Variants in ZBTB20 observed in about 807,000 individuals in gnomAD.
ZBTB20 encodes zinc finger and BTB domain containing 20.
Under a neutral mutation model 56.9 loss-of-function variants are expected in ZBTB20, and 9 were observed. The observed-to-expected ratio is 0.16, with a 90% CI of 0.10 to 0.28. The LOEUF (loss-of-function observed/expected upper bound fraction) is 0.28, where lower values mean the gene tolerates loss of function less well. Among genes scored for constraint, ZBTB20 ranks in the 10% least tolerant of loss-of-function variants. ZBTB20 has a pLI of 1.00. For synonymous variants in ZBTB20, 417 were observed against 420.7 expected (o/e 0.99, Z 0.11); for missense variants, 655 against 1,003.0 (o/e 0.65, Z 4.69).
Position 114,380,798 on chromosome 3 carries a change from G to A in ZBTB20, c.-11C>T. The A allele has an allele frequency of 6.6e-7, 1 of 1,509,830 alleles. No homozygotes were observed. The highest frequency in any genetic ancestry group is 8.8e-7 in the Non-Finnish European group (1 of 1,137,504). 93.5% of individuals were successfully genotyped at this position (1,509,830 alleles called of 1,614,324 possible). On this transcript the variant is annotated 5_prime_UTR_variant, in exon 9 of 12. Coordinates refer to ENST00000675478, the MANE Select transcript of ZBTB20 (RefSeq NM_001348800.3). ...TTACCGTTCTAGCATTTGTCAGGAA[G>A]CTTAGAGACAGGACTCGTGGAGTAA...
intron 5 of ZBTB20, among the ~76,000 whole-genome samples, chr3:114,794,354 C>A (rs1328190767): frequency 6.6e-6 from 1 of 151,942 alleles, no homozygotes; most frequent in Non-Finnish European, 1.5e-5. Flanking sequence ...CTACACAAGA[C>A]CTTGAAAGGG....
At chr3:115,064,443 C>CTTT (rs34098178) in intron 2 of ZBTB20, among the ~76,000 whole-genome samples, 898 of 78,112 alleles carry the variant, frequency 0.011, 4 homozygotes, top group East Asian at 0.056. Context: ...TCTCATAATT[C>CTTT]TTTTTTTTTT....
chr3:114,526,039 T>C (rs1350917044), intron 6 of ZBTB20, among the ~76,000 whole-genome samples: 1 of 152,200 alleles, frequency 6.6e-6, no homozygotes, highest in African/African-American at 2.4e-5. Flanking sequence ...CCTTGATTGT[T>C]TGGAATCTTT....
At chr3:114,697,061 TA>T (rs35130350) in intron 5 of ZBTB20, among the ~76,000 whole-genome samples, 9,885 of 110,666 alleles carry the variant, frequency 0.089, 396 homozygotes, top group Middle Eastern at 0.22. Context: ...TGTACTTTGT[TA>T]AAAAAAAAAA....
chr3:114,573,195 C>A (rs1027845293), intron 6 of ZBTB20, among the ~76,000 whole-genome samples: 1 of 152,092 alleles, frequency 6.6e-6, no homozygotes, highest in African/African-American at 2.4e-5. Flanking sequence ...CATAGTGGCT[C>A]ACGCCTGTAA....
At chr3:114,506,093 GGAA>G (rs1408796511) in intron 6 of ZBTB20, among the ~76,000 whole-genome samples, 1 of 152,060 alleles carries the variant, frequency 6.6e-6, no homozygotes, top group Non-Finnish European at 1.5e-5. Context: ...CTTTTGGTCA[GGAA>G]GAAGAAGACT....
intron 3 of ZBTB20, among the ~76,000 whole-genome samples, chr3:114,946,862 G>A (rs1441582060): frequency 6.9e-6 from 1 of 145,524 alleles, no homozygotes; most frequent in Non-Finnish European, 1.5e-5. Context: ...AATCAAGAGT[G>A]ATCAGATGAC....
intron 3 of ZBTB20, among the ~76,000 whole-genome samples, chr3:114,909,396 T>A (rs1469079202): frequency 6.6e-6 from 1 of 152,054 alleles, no homozygotes; most frequent in African/African-American, 2.4e-5. Flanking sequence ...AGTTAAAAAA[T>A]ATGTTTATAA....
rs540732871 is a variant in ZBTB20, at chr3:114,960,904, G to A, written c.-456+13462C>T. Reference sequence around the variant, plus strand: ...AGGAAGAAAATCAAGAAAGCATGACGCCATGAAAAATAAGGGAAGAAAGCA... The same window carrying A: ...AGGAAGAAAATCAAGAAAGCATGACACCATGAAAAATAAGGGAAGAAAGCA... On this transcript the variant is annotated intron_variant, in intron 3 of 11. Transcript: ENST00000675478. Among the ~76,000 whole-genome samples the A allele has an allele frequency of 1.1e-4, 16 of 152,128 alleles. No homozygotes were observed. In the South Asian group the frequency reaches 1.2e-3, roughly 12 times the overall value.
intron 7 of ZBTB20, among the ~76,000 whole-genome samples, chr3:114,486,691 C>G (rs1025191568): frequency 5.9e-5 from 9 of 152,130 alleles, no homozygotes; most frequent in Non-Finnish European, 8.8e-5. Context: ...CACTCATGTT[C>G]TTTCATGAGA....
At chr3:114,629,463 A>G (rs1248196327) in intron 6 of ZBTB20, among the ~76,000 whole-genome samples, 1 of 152,188 alleles carries the variant, frequency 6.6e-6, no homozygotes, top group Non-Finnish European at 1.5e-5. Flanking sequence ...ACATTTTTAA[A>G]AAGTCTCAGT....
intron 6 of ZBTB20, among the ~76,000 whole-genome samples, chr3:114,640,454 T>C (rs2059500194): frequency 6.6e-6 from 1 of 152,204 alleles, no homozygotes; most frequent in Admixed American, 6.6e-5. Context: ...AGGCAAGTTA[T>C]AGGTAACATA....
chr3:114,584,048 C>A (rs116667320), intron 6 of ZBTB20, among the ~76,000 whole-genome samples: 1 of 152,172 alleles, frequency 6.6e-6, no homozygotes, highest in African/African-American at 2.4e-5. Flanking sequence ...AAACTCCTTT[C>A]TAGCCCTAAA....
intron 2 of ZBTB20, among the ~76,000 whole-genome samples, chr3:115,012,147 G>A (rs2079744354): frequency 6.6e-6 from 1 of 151,704 alleles, no homozygotes; most frequent in Admixed American, 6.6e-5. Flanking sequence ...AGAAAGGAAA[G>A]AAGGAAGAGA....
chr3:114,573,873 G>A (rs1312235980), intron 6 of ZBTB20, among the ~76,000 whole-genome samples: 1 of 152,028 alleles, frequency 6.6e-6, no homozygotes, highest in Non-Finnish European at 1.5e-5. Flanking sequence ...AATTATCAGA[G>A]TATTTTTCAA....
chr3:114,524,808 A>G (rs551545838), intron 6 of ZBTB20, among the ~76,000 whole-genome samples: 1 of 152,150 alleles, frequency 6.6e-6, no homozygotes, highest in Admixed American at 6.5e-5. Context: ...TCCGCCTCTC[A>G]GGTTCAAGCG....
At chr3:114,692,095 T>C (rs2062731708) in intron 6 of ZBTB20, among the ~76,000 whole-genome samples, 1 of 152,046 alleles carries the variant, frequency 6.6e-6, no homozygotes. Context: ...TGGACAGCAA[T>C]AGGGAAGAAA....
chr3:114,619,522 G>A (rs2058172180), intron 6 of ZBTB20, among the ~76,000 whole-genome samples: 1 of 151,788 alleles, frequency 6.6e-6, no homozygotes, highest in African/African-American at 2.4e-5. Flanking sequence ...TGTTTATTAG[G>A]GTCAGTTTGT....
At chr3:114,583,091 C>A (rs550023030) in intron 6 of ZBTB20, among the ~76,000 whole-genome samples, 1 of 152,118 alleles carries the variant, frequency 6.6e-6, no homozygotes, top group Non-Finnish European at 1.5e-5. Context: ...TATTGGCTGG[C>A]GGGTTTCACC....
Sources: gnomAD v4.1 joint callset for allele counts (sites outside exome capture counted in the v4.1 genomes callset) on GRCh38, gnomAD v4.1.1 for gene constraint, MANE v1.5 for transcripts, NCBI Gene and HGNC (gene_info 2026-07-23, HGNC 2026-07-21) for gene names.